Variants in CACNG3 observed in about 807,000 individuals in gnomAD.
CACNG3 encodes the protein calcium voltage-gated channel auxiliary subunit gamma 3.
A neutral mutation model predicts 28.5 loss-of-function variants in CACNG3; 3 were observed. That is an observed-to-expected ratio of 0.11 (90% CI 0.05 to 0.27). The LOEUF (loss-of-function observed/expected upper bound fraction) is 0.27, where lower values mean the gene tolerates loss of function less well. Ranked by LOEUF, CACNG3 falls within the 10% of genes least tolerant of loss-of-function variation. CACNG3 has a pLI of 1.00. For synonymous variants in CACNG3, 174 were observed against 162.2 expected, an observed-to-expected ratio of 1.07 and a Z score of -0.55; for missense variants, 236 against 414.4, an observed-to-expected ratio of 0.57 and a Z score of 3.74.
intron 1 of CACNG3, among the ~76,000 whole-genome samples, chr16:24,260,377 C>T (rs935816140): frequency 2.6e-5 from 4 of 152,118 alleles, no homozygotes; most frequent in Non-Finnish European, 4.4e-5. Context: ...TCAGGCTGTT[C>T]GAAGAATTTT....
At chr16:24,344,409 A>AG (rs1899831132) in intron 1 of CACNG3, among the ~76,000 whole-genome samples, 1 of 55,058 alleles carries the variant, frequency 1.8e-5, no homozygotes, top group African/African-American at 5.2e-5. Context: ...ACTCAGTCTC[A>AG]GAAAAAAAAA....
At chr16:24,353,789 A>G (rs972489360) in intron 2 of CACNG3, among the ~76,000 whole-genome samples, 1 of 152,224 alleles carries the variant, frequency 6.6e-6, no homozygotes. Context: ...GCAAATGTAG[A>G]TGCGTGCAGG....
chr16:24,285,050 C>T (rs1220424098), intron 1 of CACNG3, among the ~76,000 whole-genome samples: 2 of 151,336 alleles, frequency 1.3e-5, no homozygotes, highest in Non-Finnish European at 2.9e-5. Context: ...CAGAGTGTGA[C>T]CTCACCTCAG....
chr16:24,330,794 G>A (rs1013006682), intron 1 of CACNG3, among the ~76,000 whole-genome samples: 1 of 152,184 alleles, frequency 6.6e-6, no homozygotes, highest in African/African-American at 2.4e-5. Flanking sequence ...GAAACAGGAT[G>A]AGTTCTTCAT....
intron 1 of CACNG3, among the ~76,000 whole-genome samples, chr16:24,290,307 G>C (rs758192095): frequency 2.6e-5 from 4 of 152,178 alleles, no homozygotes; most frequent in Non-Finnish European, 4.4e-5. Context: ...GAACAGAGCA[G>C]AGCCAAGCAT....
intron 1 of CACNG3, among the ~76,000 whole-genome samples, chr16:24,300,543 A>G (rs1185952294): frequency 6.6e-6 from 1 of 152,122 alleles, no homozygotes; most frequent in Non-Finnish European, 1.5e-5. Context: ...AGCCAACCAA[A>G]ATACATCCTC....
intron 1 of CACNG3, among the ~76,000 whole-genome samples, chr16:24,280,275 T>C (rs1898808096): frequency 6.6e-6 from 1 of 152,240 alleles, no homozygotes; most frequent in Admixed American, 6.5e-5. Context: ...TTTCCTTTCA[T>C]AAATGGTGAC....
At chr16:24,352,102 C>T (rs1899956658) in intron 2 of CACNG3, among the ~76,000 whole-genome samples, 1 of 152,108 alleles carries the variant, frequency 6.6e-6, no homozygotes, top group South Asian at 2.1e-4. Context: ...CTTCATCCCT[C>T]CTAGGCCCAC....
At chr16:24,360,150 T>C (rs1318015074) in intron 3 of CACNG3, among the ~76,000 whole-genome samples, 1 of 152,094 alleles carries the variant, frequency 6.6e-6, no homozygotes, top group Non-Finnish European at 1.5e-5. Context: ...ACAGGTAGCC[T>C]AAATTTGGAG....
intron 2 of CACNG3, among the ~76,000 whole-genome samples, chr16:24,351,003 G>T (rs1899932521): frequency 6.6e-6 from 1 of 152,160 alleles, no homozygotes; most frequent in Non-Finnish European, 1.5e-5. Context: ...CGCTGGGATG[G>T]CCCCCTTGAC....
At chr16:24,297,466 T>TA (rs1899047153) in intron 1 of CACNG3, among the ~76,000 whole-genome samples, 3 of 151,968 alleles carry the variant, frequency 2.0e-5, no homozygotes, top group African/African-American at 4.8e-5. Context: ...CCTCTCACCT[T>TA]ACAACTGCAA....
chr16:24,354,894 G>T lies in CACNG3; in HGVS notation c.357G>T (p.Gly119=). Residue 119 remains glycine (G), a synonymous_variant, in exon 3 of 4, where the codon GGG becomes GGT. Coordinates refer to ENST00000005284, the MANE Select transcript of CACNG3 (RefSeq NM_006539.4). ...GTGTCACGCTGCTGTTCTTCGGCGG[G>T]CTCTGCGTGGCAGCCAGTGAGTTCC... ...ILSVTLLFFG[G]LCVAASEFHR... 6.2e-7 allele frequency: 1 copy of T among 1,612,352 alleles called. No homozygotes were observed.
At chr16:24,327,941 CAACA>C (rs1899579799) in intron 1 of CACNG3, among the ~76,000 whole-genome samples, 1 of 152,058 alleles carries the variant, frequency 6.6e-6, no homozygotes, top group Non-Finnish European at 1.5e-5. Context: ...TTGTCTCAGA[CAACA>C]AACAAAGTAA....
At chr16:24,328,040 C>T (rs1461674326) in intron 1 of CACNG3, among the ~76,000 whole-genome samples, 1 of 152,152 alleles carries the variant, frequency 6.6e-6, no homozygotes, top group Non-Finnish European at 1.5e-5. Context: ...CTACTATGTG[C>T]CAGGTCCTGG....
chr16:24,312,476 G>C, intron 1 of CACNG3, among the ~76,000 whole-genome samples: 1 of 151,994 alleles, frequency 6.6e-6, no homozygotes, highest in Non-Finnish European at 1.5e-5. Context: ...AAAAAAATGG[G>C]TGATAATAAT....
chr16:24,260,751 A>G (rs913337068), intron 1 of CACNG3, among the ~76,000 whole-genome samples: 17 of 152,238 alleles, frequency 1.1e-4, no homozygotes, highest in Non-Finnish European at 2.2e-4. Context: ...GCAGCAAAGG[A>G]CACGCTTTGC....
At chr16:24,301,079 C>G (rs1899103184) in intron 1 of CACNG3, among the ~76,000 whole-genome samples, 1 of 148,756 alleles carries the variant, frequency 6.7e-6, no homozygotes, top group Admixed American at 6.7e-5. Context: ...GGCGTGGTGG[C>G]ACACACCTGT....
intron 1 of CACNG3, among the ~76,000 whole-genome samples, chr16:24,258,829 A>T (rs1898502144): frequency 6.6e-6 from 1 of 152,232 alleles, no homozygotes; most frequent in Admixed American, 6.5e-5. Flanking sequence ...TGCCTCTGGG[A>T]ATCAAACCTG....
intron 1 of CACNG3, among the ~76,000 whole-genome samples, chr16:24,313,426 A>G (rs1899302301): frequency 6.6e-6 from 1 of 152,196 alleles, no homozygotes; most frequent in South Asian, 2.1e-4. Context: ...ACCCTACACT[A>G]AGTTGTCTCA....
Sources: gnomAD v4.1 joint callset for allele counts (sites outside exome capture counted in the v4.1 genomes callset) on GRCh38, gnomAD v4.1.1 for gene constraint, MANE v1.5 for transcripts, NCBI Gene and HGNC (gene_info 2026-07-23, HGNC 2026-07-21) for gene names.